Variants in PRR16 observed in about 807,000 individuals in gnomAD.
PRR16 encodes protein Largen.
In PRR16, 6 loss-of-function variants were observed where a neutral mutation model predicts 18.2. The ratio of observed to expected loss-of-function variants is 0.33; its 90% CI spans 0.18 to 0.65. The LOEUF is 0.65. Among genes scored for constraint, PRR16 ranks in the 30% least tolerant of loss-of-function variants. PRR16 has a pLI of 0.74. For synonymous variants in PRR16, 151 were observed against 147.8 expected (o/e 1.02, Z -0.16); for missense variants, 412 against 376.6 (o/e 1.09, Z -0.78).
intron 1 of PRR16, among the ~76,000 whole-genome samples, chr5:120,648,900 T>G (rs1249405933): frequency 2.6e-5 from 4 of 152,192 alleles, no homozygotes; most frequent in Non-Finnish European, 4.4e-5. Context: ...CACACCTTTA[T>G]ATGGAATTTT....
At chr5:120,680,059 A>C (rs1756924956) in intron 1 of PRR16, among the ~76,000 whole-genome samples, 1 of 152,146 alleles carries the variant, frequency 6.6e-6, no homozygotes, top group Non-Finnish European at 1.5e-5. Flanking sequence ...CGTTCCACTG[A>C]AGAAACCACT....
intron 1 of PRR16, among the ~76,000 whole-genome samples, chr5:120,670,766 G>A (rs891810367): frequency 1.3e-5 from 2 of 152,148 alleles, no homozygotes; most frequent in African/African-American, 4.8e-5. Flanking sequence ...GTATTCTCAA[G>A]TTGTGGAGGA....
the PRR16 span, among the ~76,000 whole-genome samples, chr5:120,753,689 C>A: frequency 6.7e-6 from 1 of 150,296 alleles, no homozygotes; most frequent in African/African-American, 2.4e-5. Flanking sequence ...CAGATTCTTT[C>A]ACATACATTG....
At chr5:120,581,464 A>C (rs958389691) in intron 1 of PRR16, among the ~76,000 whole-genome samples, 1 of 152,176 alleles carries the variant, frequency 6.6e-6, no homozygotes, top group Non-Finnish European at 1.5e-5. Flanking sequence ...TTTTTCAAAA[A>C]ACCAGCTCCT....
intron 1 of PRR16, among the ~76,000 whole-genome samples, chr5:120,676,750 C>T (rs1265675219): frequency 2.0e-5 from 3 of 151,940 alleles, no homozygotes; most frequent in Non-Finnish European, 2.9e-5. Flanking sequence ...ATATTGTTAA[C>T]GAAATATGAT....
chr5:120,694,509 C>T, the PRR16 span, among the ~76,000 whole-genome samples: 3 of 151,750 alleles, frequency 2.0e-5, no homozygotes, highest in Non-Finnish European at 2.9e-5. Context: ...ACGGTGAAAC[C>T]CCGTCTGTAC....
At chr5:120,688,315 G>A (rs937026458), downstream of PRR16, among the ~76,000 whole-genome samples, 3 of 152,228 alleles carry the variant, frequency 2.0e-5, no homozygotes, top group South Asian at 4.1e-4. Context: ...CTCAGCATGC[G>A]TTATGTTTCA....
intron 1 of PRR16, among the ~76,000 whole-genome samples, chr5:120,492,730 T>G (rs1201384080): frequency 1.3e-5 from 2 of 152,030 alleles, no homozygotes; most frequent in Non-Finnish European, 2.9e-5. Flanking sequence ...CGCCCATGAG[T>G]CCCCACAGTC....
At chr5:120,518,262 A>ATC (rs1751061030) in intron 1 of PRR16, among the ~76,000 whole-genome samples, 2 of 152,168 alleles carry the variant, frequency 1.3e-5, no homozygotes, top group South Asian at 4.1e-4. Context: ...TTTTGCAGGT[A>ATC]TCTATTCACT....
intron 1 of PRR16, among the ~76,000 whole-genome samples, chr5:120,614,639 T>C (rs949481796): frequency 5.3e-5 from 8 of 152,224 alleles, no homozygotes; most frequent in Non-Finnish European, 7.3e-5. Flanking sequence ...AAAGAAGGAA[T>C]TGTTCAGCTT....
the PRR16 span, among the ~76,000 whole-genome samples, chr5:120,762,961 G>T: frequency 6.6e-6 from 1 of 152,062 alleles, no homozygotes; most frequent in Non-Finnish European, 1.5e-5. Context: ...GGTAAGATGG[G>T]TCTAGTGTCA....
the PRR16 span, among the ~76,000 whole-genome samples, chr5:120,760,608 A>T: frequency 6.6e-6 from 1 of 150,712 alleles, no homozygotes; most frequent in South Asian, 2.1e-4. Flanking sequence ...AAGCCAAAGC[A>T]TGTTGCTTAA....
At chr5:120,594,132 G>A (rs911460609) in intron 1 of PRR16, among the ~76,000 whole-genome samples, 6 of 152,224 alleles carry the variant, frequency 3.9e-5, no homozygotes, top group African/African-American at 1.4e-4. Flanking sequence ...ATTAAACATA[G>A]TATTGGAAGT....
intron 1 of PRR16, among the ~76,000 whole-genome samples, chr5:120,595,290 C>T (rs551007255): frequency 6.6e-6 from 1 of 151,762 alleles, no homozygotes; most frequent in Non-Finnish European, 1.5e-5. Context: ...CATGAATAGA[C>T]AGTATATAGA....
At chr5:120,716,103 C>G in the PRR16 span, among the ~76,000 whole-genome samples, 1 of 152,172 alleles carries the variant, frequency 6.6e-6, no homozygotes, top group Admixed American at 6.5e-5. Flanking sequence ...TCCAGAAATT[C>G]TCCAACATGA....
chr5:120,665,807 A>G (rs200437493), intron 1 of PRR16, among the ~76,000 whole-genome samples: 16,135 of 151,950 alleles, frequency 0.11, 1,101 homozygotes, highest in Non-Finnish European at 0.14. Flanking sequence ...GTTCTGTTCC[A>G]TTGGTCTATA....
chr5:120,763,129 G>T, the PRR16 span, among the ~76,000 whole-genome samples: 2 of 149,984 alleles, frequency 1.3e-5, no homozygotes, highest in Admixed American at 6.7e-5. Flanking sequence ...TGTTCCTTTT[G>T]TCTATGTGTC....
chr5:120,511,100 T>C (rs187970874), intron 1 of PRR16, among the ~76,000 whole-genome samples: 1 of 152,314 alleles, frequency 6.6e-6, no homozygotes, highest in East Asian at 1.9e-4. Context: ...GTCAGTGTAT[T>C]AAATGTGTAA....
At chr5:120,569,972 T>C (rs1752855556) in intron 1 of PRR16, among the ~76,000 whole-genome samples, 1 of 152,122 alleles carries the variant, frequency 6.6e-6, no homozygotes, top group Admixed American at 6.6e-5. Flanking sequence ...AAGGATAGAA[T>C]TCAATTTAGA....
Sources: gnomAD v4.1 joint callset for allele counts (sites outside exome capture counted in the v4.1 genomes callset) on GRCh38, gnomAD v4.1.1 for gene constraint, MANE v1.5 for transcripts, NCBI Gene and HGNC (gene_info 2026-07-23, HGNC 2026-07-21) for gene names.